The following TOX variants were observed in gnomAD, a reference collection of about 807,000 sequenced individuals.
TOX encodes thymocyte selection-associated high mobility group box protein TOX.
Under a neutral mutation model 53.7 loss-of-function variants are expected in TOX, and 11 were observed. That is an observed-to-expected ratio of 0.20 (90% CI 0.13 to 0.34). TOX has a LOEUF of 0.34. Among genes scored for constraint, TOX ranks in the 10% least tolerant of loss-of-function variants. The probability of loss-of-function intolerance (pLI) is 1.00; values close to 1 mark genes in which losing one functional copy is unlikely to be tolerated. For synonymous variants in TOX, 225 were observed against 245.3 expected (o/e 0.92, Z 0.77); for missense variants, 570 against 664.6 (o/e 0.86, Z 1.56).
chr8:59,057,788 T>A (rs1803910940), intron 1 of TOX, among the ~76,000 whole-genome samples: 2 of 152,208 alleles, frequency 1.3e-5, no homozygotes, highest in Non-Finnish European at 2.9e-5. Flanking sequence ...AATAATCAGC[T>A]GTTTTTGTAA....
At chr8:58,985,543 C>T (rs1203493459) in intron 1 of TOX, among the ~76,000 whole-genome samples, 1 of 152,000 alleles carries the variant, frequency 6.6e-6, no homozygotes, top group African/African-American at 2.4e-5. Context: ...TTCAGTTTTG[C>T]AAGATGAAAC....
chr8:58,984,013 A>C (rs1813276750), intron 1 of TOX, among the ~76,000 whole-genome samples: 1 of 152,220 alleles, frequency 6.6e-6, no homozygotes, highest in Admixed American at 6.5e-5. Context: ...TAAAGGACTG[A>C]CTAGTCAAGA....
At chr8:58,895,177 G>A (rs1811622362) in intron 3 of TOX, among the ~76,000 whole-genome samples, 1 of 152,158 alleles carries the variant, frequency 6.6e-6, no homozygotes, top group Non-Finnish European at 1.5e-5. Flanking sequence ...GATATAGTGA[G>A]ACTCTGTCTC....
chr8:59,060,568 G>A (rs960395486), intron 1 of TOX, among the ~76,000 whole-genome samples: 6 of 152,122 alleles, frequency 3.9e-5, no homozygotes, highest in African/African-American at 1.4e-4. Flanking sequence ...CGGAGCTTGC[G>A]GTGAGCCAAG....
intron 1 of TOX, among the ~76,000 whole-genome samples, chr8:59,034,031 T>C (rs1166615666): frequency 6.6e-6 from 1 of 152,204 alleles, no homozygotes; most frequent in African/African-American, 2.4e-5. Context: ...GCCTTGCACA[T>C]GCACCATCCA....
chr8:59,003,032 T>A (rs1233396463), intron 1 of TOX, among the ~76,000 whole-genome samples: 1 of 152,220 alleles, frequency 6.6e-6, no homozygotes, highest in Non-Finnish European at 1.5e-5. Context: ...ACTTGAGGCC[T>A]CTGAGCCAAT....
intron 1 of TOX, among the ~76,000 whole-genome samples, chr8:59,057,724 C>T (rs1448915571): frequency 1.3e-5 from 2 of 152,268 alleles, no homozygotes; most frequent in African/African-American, 2.4e-5. Flanking sequence ...GGTCGAATTA[C>T]ACATTTTTAT....
intron 1 of TOX, among the ~76,000 whole-genome samples, chr8:58,975,438 T>C (rs1813078437): frequency 1.3e-5 from 2 of 152,190 alleles, no homozygotes; most frequent in Non-Finnish European, 2.9e-5. Flanking sequence ...TTAGGAAGTA[T>C]ACAGGTATAT....
chr8:58,838,711 T>TGC, intron 4 of TOX, among the ~76,000 whole-genome samples: 1 of 138,498 alleles, frequency 7.2e-6, no homozygotes, highest in South Asian at 2.4e-4. Context: ...TTTTTTTTTT[T>TGC]TTTTTTTTTG....
chr8:58,809,738 G>A (rs16923998), intron 7 of TOX, among the ~76,000 whole-genome samples: 2,098 of 152,304 alleles, frequency 0.014, 49 homozygotes, highest in African/African-American at 0.048. Context: ...GATGCTGGGC[G>A]AAGGACAGGA....
chr8:58,970,255 C>T (rs1372219688), intron 1 of TOX, among the ~76,000 whole-genome samples: 1 of 152,110 alleles, frequency 6.6e-6, no homozygotes, highest in Non-Finnish European at 1.5e-5. Context: ...TCTGCATCTA[C>T]CTCTCTATTT....
chr8:58,827,801 T>G (rs147990112), intron 5 of TOX, among the ~76,000 whole-genome samples: 11 of 152,344 alleles, frequency 7.2e-5, no homozygotes, highest in African/African-American at 2.4e-4. Flanking sequence ...ATTAGCAAAG[T>G]GAACACACAT....
At chr8:58,832,818 G>A (rs567204873) in intron 5 of TOX, among the ~76,000 whole-genome samples, 22 of 152,266 alleles carry the variant, frequency 1.4e-4, no homozygotes, top group Middle Eastern at 3.4e-3. Context: ...TTCACGAGGC[G>A]TCAAACATAG....
intron 1 of TOX, among the ~76,000 whole-genome samples, chr8:59,099,557 A>T (rs1459197137): frequency 2.6e-5 from 4 of 152,218 alleles, no homozygotes; most frequent in Admixed American, 2.6e-4. Flanking sequence ...ATTTCTGAAC[A>T]TTTGACATTA....
At chr8:58,983,446 G>A (rs567687027) in intron 1 of TOX, among the ~76,000 whole-genome samples, 9 of 152,300 alleles carry the variant, frequency 5.9e-5, no homozygotes, top group South Asian at 2.1e-4. Context: ...TCAAATCCAT[G>A]TTCTACCTCT....
At chr8:58,811,954 G>T (rs1810084534) in intron 7 of TOX, among the ~76,000 whole-genome samples, 1 of 152,122 alleles carries the variant, frequency 6.6e-6, no homozygotes, top group Admixed American at 6.6e-5. Flanking sequence ...AGTAATATTG[G>T]AATATGAGAC....
At chr8:58,887,555 T>A (rs1811489527) in intron 3 of TOX, among the ~76,000 whole-genome samples, 1 of 152,012 alleles carries the variant, frequency 6.6e-6, no homozygotes, top group East Asian at 1.9e-4. Flanking sequence ...TTGAGCAAAG[T>A]AGTCTCTTAT....
intron 7 of TOX, 78 bp downstream of exon 7, chr8:58,815,260 A>T: frequency 6.6e-7 from 1 of 1,506,388 alleles, no homozygotes; most frequent in Non-Finnish European, 8.9e-7. Context: ...CCTGTCCTGG[A>T]TAAACAGCTC....
chr8:58,998,601 T>TTATGTAATAAATTTA (rs1554537389), intron 1 of TOX, among the ~76,000 whole-genome samples: 1 of 95,358 alleles, frequency 1.0e-5, no homozygotes, highest in African/African-American at 4.0e-5. Flanking sequence ...TGTAATAAAT[T>TTATGTAATAAATTTA]TATGTAATAA....
Sources: gnomAD v4.1 joint callset for allele counts (sites outside exome capture counted in the v4.1 genomes callset) on GRCh38, gnomAD v4.1.1 for gene constraint, MANE v1.5 for transcripts, NCBI Gene and HGNC (gene_info 2026-07-23, HGNC 2026-07-21) for gene names.